The following METTL8 variants were observed in gnomAD, a reference collection of about 807,000 sequenced individuals.
METTL8 encodes tRNA N(3)-cytidine methyltransferase METTL8, mitochondrial.
In METTL8, 32 loss-of-function variants were observed where a neutral mutation model predicts 48.7. The observed-to-expected ratio is 0.66, with a 90% CI of 0.50 to 0.88. The LOEUF is 0.88. Ranked by LOEUF, METTL8 falls within the 40% of genes least tolerant of loss-of-function variation. The pLI is 0.00. For synonymous variants in METTL8, 136 were observed against 157.1 expected (o/e 0.87, Z 1.01); for missense variants, 464 against 474.4 (o/e 0.98, Z 0.20).
rs1462498219 is a variant in METTL8, at chr2:171,360,516, A to C, written c.144-3T>G. 6.2e-7 allele frequency: 1 copy of C among 1,609,258 alleles called. No individual in the cohort carries two copies. The highest frequency in any genetic ancestry group is 1.3e-5 in the African/African-American group (1 of 74,606). On this transcript the variant is annotated splice_polypyrimidine_tract_variant and splice_region_variant and intron_variant, in intron 2 of 9. Coordinates refer to ENST00000375258, the MANE Select transcript of METTL8 (RefSeq NM_001321154.2). ...CCTTAGACCACTGCATGTGATCCCT[A>C]TTAAAAAAAAATAGACTGTAAAATA...
intron 2 of METTL8, among the ~76,000 whole-genome samples, chr2:171,370,001 G>A (rs1686142782): frequency 6.6e-6 from 1 of 151,836 alleles, no homozygotes; most frequent in African/African-American, 2.4e-5. Flanking sequence ...GGGAGGCAGA[G>A]GTTGCAATGA....
intron 2 of METTL8, among the ~76,000 whole-genome samples, chr2:171,370,725 A>G (rs949427530): frequency 1.3e-5 from 2 of 152,170 alleles, no homozygotes; most frequent in African/African-American, 4.8e-5. Flanking sequence ...CGGGAGGCGG[A>G]GCTTGCAGTG....
chr2:171,340,498 CAAAAAAAAAAA>C (rs760579218), intron 3 of METTL8, among the ~76,000 whole-genome samples: 1 of 42,910 alleles, frequency 2.3e-5, no homozygotes, highest in Non-Finnish European at 4.6e-5. Context: ...TGAGTTGTCT[CAAAAAAAAAAA>C]AAAAAAAAAA....
intron 1 of METTL8, among the ~76,000 whole-genome samples, chr2:171,398,617 T>C (rs1306578625): frequency 6.6e-6 from 1 of 152,160 alleles, no homozygotes; most frequent in Non-Finnish European, 1.5e-5. Flanking sequence ...CGTCTACAGA[T>C]CTAATGTACA....
At chr2:171,422,057 G>A (rs1340106519) in intron 1 of METTL8, among the ~76,000 whole-genome samples, 1 of 152,152 alleles carries the variant, frequency 6.6e-6, no homozygotes. Context: ...GGAGTAAGAT[G>A]GAACAGTTCC....
intron 3 of METTL8, among the ~76,000 whole-genome samples, chr2:171,352,622 C>A (rs577317764): frequency 3.3e-5 from 5 of 152,110 alleles, no homozygotes; most frequent in South Asian, 4.1e-4. Flanking sequence ...TTGGTAGGCT[C>A]TTAATTATTG....
In METTL8 at chr2:171,325,882, T is replaced by C. The variant is rs1325832293; in HGVS notation, c.992A>G (p.Tyr331Cys). The change falls in exon 9 of 10, where the codon TAT becomes TGT. Residue 331 changes from tyrosine (Y) to cysteine (C), a missense_variant. By Grantham distance (194) the Tyr-to-Cys change is radical (BLOSUM62 -2). Coordinates refer to ENST00000375258, the MANE Select transcript of METTL8 (RefSeq NM_001321154.2). ...TGCTCTGGTACCATCTCCTCGAACA[T>C]AAAAATTTTCAGATAAACAATGTCC... Reference protein sequence around the residue: ...KKGHCLSENFYVRGDGTRAYF... With the variant: ...KKGHCLSENFCVRGDGTRAYF... 1 of 1,601,944 alleles carries C rather than the reference T, an allele frequency of 6.2e-7. No individual in the cohort carries two copies.
At position 171,422,896 on chromosome 2, in the gene METTL8, C is replaced by A. The variant is rs559115071; in HGVS notation, c.-13+10987G>T. Among the ~76,000 whole-genome samples, 28 of 152,244 alleles carry A rather than the reference C, an allele frequency of 1.8e-4. No individual in the cohort carries two copies. The South Asian group carries it at 5.0e-3, about 27-fold the overall frequency. On this transcript the variant is annotated intron_variant, in intron 1 of 9. Transcript: ENST00000375258. Reference sequence around the variant, plus strand: ...ACATACAGAGTCAACATGGTATCACCTAAAAAAGCTGAAGGTGCATAATAT... The same window carrying A: ...ACATACAGAGTCAACATGGTATCACATAAAAAAGCTGAAGGTGCATAATAT...
intron 2 of METTL8, among the ~76,000 whole-genome samples, chr2:171,387,543 T>TA (rs869031018): frequency 0.047 from 6,848 of 144,782 alleles, 508 homozygotes; most frequent in African/African-American, 0.16. Context: ...TAAAAAAAAT[T>TA]AAAAAAAAAA....
intron 1 of METTL8, among the ~76,000 whole-genome samples, chr2:171,406,284 T>C (rs1453336655): frequency 2.0e-5 from 3 of 152,164 alleles, no homozygotes; most frequent in East Asian, 1.9e-4. Context: ...TTAATACCTA[T>C]TAGGTATGAA....
chr2:171,354,172 A>C (rs1684265033), intron 3 of METTL8, among the ~76,000 whole-genome samples: 2 of 152,148 alleles, frequency 1.3e-5, no homozygotes, highest in Admixed American at 1.3e-4. Flanking sequence ...AAAATCTCTC[A>C]GCATTTGCTT....
intron 9 of METTL8, among the ~76,000 whole-genome samples, chr2:171,324,571 T>C (rs1165773487): frequency 2.0e-5 from 3 of 152,234 alleles, no homozygotes; most frequent in African/African-American, 7.2e-5. Flanking sequence ...TACACCTGTT[T>C]ACAGACTAAC....
intron 1 of METTL8, among the ~76,000 whole-genome samples, chr2:171,431,010 C>T (rs1448165609): frequency 6.6e-6 from 1 of 152,188 alleles, no homozygotes; most frequent in East Asian, 1.9e-4. Flanking sequence ...CAGACCCAGC[C>T]ATGCCAGAAG....
Position 171,368,130 on chromosome 2 carries a change from T to A in METTL8, c.144-7617A>T, listed in dbSNP as rs928711927. Among the ~76,000 whole-genome samples, 6 of 152,328 alleles carry A rather than the reference T, an allele frequency of 3.9e-5. 1 individual carries two copies. The Middle Eastern group carries it at 0.017, about 432-fold the overall frequency. ...TTACAAAAATGAAACAATTAAAAAA[T>A]TTTCAATTTTGCTGATTGATGAAGC... On this transcript the variant is annotated intron_variant, in intron 2 of 9. Coordinates refer to ENST00000375258, the MANE Select transcript of METTL8 (RefSeq NM_001321154.2).
At chr2:171,330,218 T>C (rs1353919315) in intron 7 of METTL8, among the ~76,000 whole-genome samples, 1 of 152,232 alleles carries the variant, frequency 6.6e-6, no homozygotes, top group Non-Finnish European at 1.5e-5. Flanking sequence ...AAGATGTTTG[T>C]TTCTGATCAC....
chr2:171,433,994 G>C (rs1693506558), upstream of METTL8: 1 of 228,304 alleles, frequency 4.4e-6, no homozygotes, highest in East Asian at 1.5e-4. Flanking sequence ...TGTGAGTACC[G>C]GGGCAGTGAG....
chr2:171,409,685 T>C (rs1055663891), intron 1 of METTL8, among the ~76,000 whole-genome samples: 2 of 152,100 alleles, frequency 1.3e-5, no homozygotes, highest in Non-Finnish European at 2.9e-5. Context: ...AATGGACCCC[T>C]GGGGTGGAGG....
chr2:171,434,626 G>C (rs758543435), upstream of METTL8: 2 of 1,531,514 alleles, frequency 1.3e-6, no homozygotes, highest in South Asian at 1.2e-5. Flanking sequence ...GAGTCGCCGG[G>C]CGCTGGGCTG....
At chr2:171,376,338 T>A (rs1686959584) in intron 2 of METTL8, among the ~76,000 whole-genome samples, 1 of 152,148 alleles carries the variant, frequency 6.6e-6, no homozygotes, top group Non-Finnish European at 1.5e-5. Flanking sequence ...CTATCCTGAG[T>A]TCCTTTGGTC....
Sources: allele counts gnomAD v4.1 joint callset (sites outside exome capture counted in the v4.1 genomes callset), GRCh38; gene constraint gnomAD v4.1.1; transcripts MANE v1.5; gene names NCBI Gene and HGNC (gene_info 2026-07-23, HGNC 2026-07-21).